Variants in RORA observed in about 807,000 individuals in gnomAD.
The protein encoded by RORA is nuclear receptor ROR-alpha.
A neutral mutation model predicts 69.5 loss-of-function variants in RORA; 7 were observed. That is an observed-to-expected ratio of 0.10 (90% CI 0.06 to 0.19). The LOEUF is 0.19. Ranked by LOEUF, RORA falls within the 10% of genes least tolerant of loss-of-function variation. The pLI is 1.00. For synonymous variants in RORA, 261 were observed against 240.8 expected (o/e 1.08, Z -0.78); for missense variants, 457 against 663.0 (o/e 0.69, Z 3.41).
chr15:60,671,381 T>C (rs535308882), intron 2 of RORA, among the ~76,000 whole-genome samples: 1 of 152,140 alleles, frequency 6.6e-6, no homozygotes, highest in East Asian at 1.9e-4. Flanking sequence ...CTTTGAACAA[T>C]TGTTTTATTA....
At chr15:60,632,789 A>T (rs1196717545) in intron 2 of RORA, among the ~76,000 whole-genome samples, 2 of 152,146 alleles carry the variant, frequency 1.3e-5, no homozygotes, top group African/African-American at 4.8e-5. Flanking sequence ...GATTATCTGC[A>T]TTCTCTCTAT....
In RORA at chr15:60,714,180, A is replaced by C. The variant is rs976946440; in HGVS notation, c.167-35494T>G. 2.6e-5 allele frequency among the ~76,000 whole-genome samples: 4 copies of C among 151,872 alleles called. No individual in the cohort carries two copies. In the East Asian group the frequency reaches 5.8e-4, roughly 22 times the overall value. On this transcript the variant is annotated intron_variant, in intron 1 of 10. Coordinates refer to ENST00000335670, the MANE Select transcript of RORA (RefSeq NM_134261.3). ...GCAATTCTCCTGCCTCAGCCTCCCA[A>C]GTAGCTGAGATTACAGGTGCATGCC...
chr15:60,519,224 A>G (rs1042721914), intron 3 of RORA, among the ~76,000 whole-genome samples: 2 of 152,178 alleles, frequency 1.3e-5, no homozygotes, highest in Non-Finnish European at 2.9e-5. Context: ...GTCTTATGGT[A>G]CCTGATTAAA....
intron 1 of RORA, among the ~76,000 whole-genome samples, chr15:60,833,749 A>G (rs2073079268): frequency 6.6e-6 from 1 of 152,192 alleles, no homozygotes; most frequent in Non-Finnish European, 1.5e-5. Context: ...TAAGTCTTGT[A>G]TCTCTGGAAA....
rs375040821 is a variant in RORA at position 60,778,350 on chromosome 15, G to A, written c.167-99664C>T. On this transcript the variant is annotated intron_variant, in intron 1 of 10. Transcript: ENST00000335670. Reference sequence around the variant, plus strand: ...CCTGCCTTTCTTTCCCTGTTCTAACGAAAGGGCACCCCCCACTGAGTTCCA... The same window carrying A: ...CCTGCCTTTCTTTCCCTGTTCTAACAAAAGGGCACCCCCCACTGAGTTCCA... Among the ~76,000 whole-genome samples, 4 of 151,162 alleles carry A rather than the reference G, an allele frequency of 2.6e-5. No individual in the cohort carries two copies. The East Asian group carries it at 5.8e-4, about 22-fold the overall frequency.
intron 1 of RORA, among the ~76,000 whole-genome samples, chr15:60,705,443 A>G (rs1474366754): frequency 6.6e-6 from 1 of 152,206 alleles, no homozygotes; most frequent in Non-Finnish European, 1.5e-5. Context: ...GTGATTTCTG[A>G]ACAGTTACTT....
intron 2 of RORA, among the ~76,000 whole-genome samples, chr15:60,553,353 G>A (rs1305424872): frequency 6.6e-6 from 1 of 152,148 alleles, no homozygotes; most frequent in East Asian, 1.9e-4. Flanking sequence ...GTGATTGATT[G>A]TGACATGTGC....
At chr15:60,810,493 T>A (rs924887526) in intron 1 of RORA, among the ~76,000 whole-genome samples, 1 of 152,166 alleles carries the variant, frequency 6.6e-6, no homozygotes, top group African/African-American at 2.4e-5. Context: ...AACTTCAGTG[T>A]TGGGAAATTT....
chr15:61,170,128 T>G (rs2079572744), intron 1 of RORA, among the ~76,000 whole-genome samples: 1 of 152,182 alleles, frequency 6.6e-6, no homozygotes, highest in African/African-American at 2.4e-5. Flanking sequence ...TCATAAGACT[T>G]CCTGTATTGG....
chr15:61,054,329 AAT>A (rs1555406199), intron 1 of RORA, among the ~76,000 whole-genome samples: 13 of 152,072 alleles, frequency 8.5e-5, no homozygotes, highest in Non-Finnish European at 1.5e-5. Flanking sequence ...AAAAAAAAAA[AAT>A]GTTCTCCCAT....
At chr15:60,939,167 T>C (rs974278733) in intron 1 of RORA, among the ~76,000 whole-genome samples, 2 of 152,234 alleles carry the variant, frequency 1.3e-5, no homozygotes, top group African/African-American at 4.8e-5. Context: ...ATTCCAATCA[T>C]GGATTCACTC....
chr15:60,558,217 T>A (rs1394400006), intron 2 of RORA: 1 of 1,599,162 alleles, frequency 6.3e-7, no homozygotes, highest in Non-Finnish European at 8.6e-7. Context: ...GCCTTTGGAT[T>A]CACTTACACA....
intron 1 of RORA, among the ~76,000 whole-genome samples, chr15:60,704,736 A>G (rs2071036105): frequency 6.6e-6 from 1 of 152,200 alleles, no homozygotes; most frequent in Non-Finnish European, 1.5e-5. Context: ...ACAGAATACT[A>G]TATTAGAGAC....
chr15:61,058,298 T>C (rs964593155), intron 1 of RORA, among the ~76,000 whole-genome samples: 2 of 152,138 alleles, frequency 1.3e-5, no homozygotes, highest in Admixed American at 1.3e-4. Flanking sequence ...AGTTCTTCCA[T>C]GGGGAGCTTC....
At chr15:60,859,868 C>T (rs971970571) in intron 1 of RORA, among the ~76,000 whole-genome samples, 6 of 152,010 alleles carry the variant, frequency 3.9e-5, no homozygotes, top group South Asian at 2.1e-4. Context: ...ACATAGCAAA[C>T]GAGCTGAGGA....
chr15:60,761,643 T>A (rs761348558), intron 1 of RORA, among the ~76,000 whole-genome samples: 3 of 152,180 alleles, frequency 2.0e-5, no homozygotes, highest in Non-Finnish European at 2.9e-5. Flanking sequence ...CCTGAGTAAG[T>A]AAAACTGAAG....
intron 2 of RORA, among the ~76,000 whole-genome samples, chr15:60,575,742 A>G (rs2068006498): frequency 6.6e-6 from 1 of 152,222 alleles, no homozygotes; most frequent in African/African-American, 2.4e-5. Context: ...ATAATGCAAA[A>G]CTTAGCTTAT....
chr15:61,167,482 A>ATTTTT lies in RORA; in HGVS notation c.166+61566_166+61570dup, dbSNP rs199752865. ...AAAGGATGCAAATAATTTGACCAGG[A>ATTTTT]TTTTTTTTTTTTTTTTTTTTTTTTT... On this transcript the variant is annotated intron_variant, in intron 1 of 10. Transcript: ENST00000335670. Among the ~76,000 whole-genome samples the ATTTTT allele has an allele frequency of 3.0e-4, 40 of 133,672 alleles. 1 individual carries two copies. The highest frequency in any genetic ancestry group is 1.1e-3 in the Admixed American group (14 of 12,668). 87.7% of individuals were successfully genotyped at this position (133,672 alleles called of 152,430 possible). A position where few individuals can be genotyped will look rare whatever the true frequency, so the allele number is the denominator to read the frequency against.
chr15:60,935,706 T>A (rs1193876765), intron 1 of RORA, among the ~76,000 whole-genome samples: 2 of 152,222 alleles, frequency 1.3e-5, no homozygotes, highest in Admixed American at 6.5e-5. Context: ...TACATAAAGT[T>A]ACCAGTCCAG....
Sources: gnomAD v4.1 joint callset for allele counts (sites outside exome capture counted in the v4.1 genomes callset) on GRCh38, gnomAD v4.1.1 for gene constraint, MANE v1.5 for transcripts, NCBI Gene and HGNC (gene_info 2026-07-23, HGNC 2026-07-21) for gene names.